RBFOX1: variants seen among roughly 807,000 people sequenced by gnomAD.
RBFOX1 encodes the protein RNA binding fox-1 homolog 1, also known as RNA binding protein fox-1 homolog 1.
RBFOX1 carries 8 observed loss-of-function variants against 57.7 expected under a neutral mutation model. The observed-to-expected ratio is 0.14, with a 90% CI of 0.08 to 0.25. RBFOX1 has a LOEUF of 0.25. RBFOX1 is among the 10% of genes least tolerant of loss of function. The pLI is 1.00. For synonymous variants in RBFOX1, 326 were observed against 222.4 expected, an observed-to-expected ratio of 1.47 and a Z score of -4.15; for missense variants, 611 against 548.5, an observed-to-expected ratio of 1.11 and a Z score of -1.14.
chr16:6,956,465 C>T (rs1012851733), intron 3 of RBFOX1, among the ~76,000 whole-genome samples: 20 of 152,086 alleles, frequency 1.3e-4, no homozygotes, highest in African/African-American at 4.1e-4. Context: ...GCTTTGTCAT[C>T]GTCTTCTCAA....
chr16:7,129,661 G>A (rs1277432473), intron 4 of RBFOX1, among the ~76,000 whole-genome samples: 1 of 152,108 alleles, frequency 6.6e-6, no homozygotes, highest in African/African-American at 2.4e-5. Context: ...ATTAGGAAGA[G>A]GGGCCTTGCA....
At chr16:5,248,948 A>AGT (rs1159057241) in intron 1 of RBFOX1, among the ~76,000 whole-genome samples, 10 of 132,220 alleles carry the variant, frequency 7.6e-5, no homozygotes, top group Non-Finnish European at 1.4e-4. Flanking sequence ...AGATTGTGCC[A>AGT]GTGCACTCCA....
intron 4 of RBFOX1, among the ~76,000 whole-genome samples, chr16:7,329,196 C>T (rs539267738): frequency 3.9e-5 from 6 of 152,236 alleles, no homozygotes; most frequent in African/African-American, 4.8e-5. Flanking sequence ...ATTCCCTGCC[C>T]GTGATGGGCA....
chr16:7,061,402 T>G (rs1268662070), intron 4 of RBFOX1, among the ~76,000 whole-genome samples: 1 of 152,212 alleles, frequency 6.6e-6, no homozygotes, highest in African/African-American at 2.4e-5. Flanking sequence ...ATCAGCCAAC[T>G]AGTCACAGAT....
intron 4 of RBFOX1, among the ~76,000 whole-genome samples, chr16:7,337,638 C>T (rs1235729871): frequency 1.3e-5 from 2 of 152,164 alleles, no homozygotes; most frequent in African/African-American, 2.4e-5. Flanking sequence ...TTCATCTATA[C>T]CATCCATGAC....
At chr16:6,367,842 C>T (rs1299294669) in intron 2 of RBFOX1, among the ~76,000 whole-genome samples, 1 of 152,128 alleles carries the variant, frequency 6.6e-6, no homozygotes, top group Non-Finnish European at 1.5e-5. Context: ...CACAAACCAT[C>T]CTATCTTCCC....
At chr16:6,892,780 CTCTCT>C in intron 3 of RBFOX1, among the ~76,000 whole-genome samples, 1 of 32,002 alleles carries the variant, frequency 3.1e-5, no homozygotes, top group Non-Finnish European at 8.1e-5. Flanking sequence ...GTCTCCCTCT[CTCTCT>C]CTCTCTCTCT....
intron 4 of RBFOX1, among the ~76,000 whole-genome samples, chr16:7,090,292 C>T (rs1229165432): frequency 1.3e-5 from 2 of 152,168 alleles, no homozygotes; most frequent in African/African-American, 2.4e-5. Flanking sequence ...AAAGTAACCT[C>T]TTTATATGCA....
At chr16:6,295,597 T>C (rs2078011274) in intron 1 of RBFOX1, among the ~76,000 whole-genome samples, 2 of 152,234 alleles carry the variant, frequency 1.3e-5, no homozygotes, top group South Asian at 2.1e-4. Flanking sequence ...AGGTAGCTTC[T>C]ACATCCCTAA....
At chr16:7,328,805 G>A (rs971922449) in intron 4 of RBFOX1, 5 of 152,034 alleles carry the variant, frequency 3.3e-5, no homozygotes, top group Admixed American at 1.3e-4. Flanking sequence ...GCAAAGGAGC[G>A]AGTATTTGCC....
chr16:6,013,459 A>G (rs2094973924), intron 4 of RBFOX1, among the ~76,000 whole-genome samples: 1 of 152,120 alleles, frequency 6.6e-6, no homozygotes, highest in South Asian at 2.1e-4. Context: ...TTGGTTAGGA[A>G]TCTCCACCCT....
intron 2 of RBFOX1, among the ~76,000 whole-genome samples, chr16:6,546,752 A>G (rs549345570): frequency 6.6e-6 from 1 of 152,238 alleles, no homozygotes; most frequent in East Asian, 1.9e-4. Flanking sequence ...TTTTGAGGGG[A>G]CATGATTTAA....
At chr16:7,692,038 A>G (rs578052171) in intron 14 of RBFOX1, among the ~76,000 whole-genome samples, 38 of 152,222 alleles carry the variant, frequency 2.5e-4, no homozygotes, top group South Asian at 1.0e-3. Flanking sequence ...TTCAACCAAA[A>G]TATCTCCTTT....
intron 4 of RBFOX1, among the ~76,000 whole-genome samples, chr16:7,117,969 T>G (rs1468579404): frequency 1.3e-5 from 2 of 152,218 alleles, no homozygotes; most frequent in Non-Finnish European, 2.9e-5. Flanking sequence ...AGAGAGTTGC[T>G]ATAATCTTAT....
intron 1 of RBFOX1, among the ~76,000 whole-genome samples, chr16:5,320,485 A>G (rs540152111): frequency 1.3e-5 from 2 of 152,300 alleles, no homozygotes; most frequent in Non-Finnish European, 2.9e-5. Flanking sequence ...ACTTGGTTTT[A>G]TTTTACTTAG....
intron 2 of RBFOX1, among the ~76,000 whole-genome samples, chr16:5,574,375 C>G: frequency 6.6e-6 from 1 of 151,920 alleles, no homozygotes; most frequent in East Asian, 1.9e-4. Context: ...CTTGCCACAT[C>G]TCAATAACTG....
intron 3 of RBFOX1, among the ~76,000 whole-genome samples, chr16:6,883,284 T>G (rs559995478): frequency 2.0e-4 from 30 of 152,234 alleles, no homozygotes; most frequent in Non-Finnish European, 4.4e-4. Flanking sequence ...TCTTTTTGCT[T>G]GCTTAATGCT....
chr16:5,665,658 G>A, intron 3 of RBFOX1, among the ~76,000 whole-genome samples: 1 of 152,282 alleles, frequency 6.6e-6, no homozygotes, highest in East Asian at 1.9e-4. Flanking sequence ...AGTATTTAGT[G>A]GATGAATGAA....
intron 2 of RBFOX1, among the ~76,000 whole-genome samples, chr16:5,592,613 A>G (rs187385886): frequency 6.6e-6 from 1 of 152,082 alleles, no homozygotes; most frequent in African/African-American, 2.4e-5. Context: ...ATGGGGTTTC[A>G]CCATGTTGGC....
Sources: gnomAD v4.1 joint callset for allele counts (sites outside exome capture counted in the v4.1 genomes callset) on GRCh38, gnomAD v4.1.1 for gene constraint, MANE v1.5 for transcripts, NCBI Gene and HGNC (gene_info 2026-07-23, HGNC 2026-07-21) for gene names.